Variants in GZMM observed in about 807,000 individuals in gnomAD.
GZMM encodes the protein granzyme M.
A neutral mutation model predicts 19.2 loss-of-function variants in GZMM; 23 were observed. The observed-to-expected ratio is 1.20, with a 90% CI of 0.86 to 1.69. GZMM has a LOEUF of 1.69. GZMM is among the 40% of genes most tolerant of loss of function. The probability of loss-of-function intolerance (pLI) is 0.00; values close to 1 mark genes in which losing one functional copy is unlikely to be tolerated. For missense variants in GZMM, 373 were observed against 352.2 expected, an observed-to-expected ratio of 1.06 and a Z score of -0.47; for synonymous variants, 178 against 160.2, an observed-to-expected ratio of 1.11 and a Z score of -0.84.
chr19:549,831 G>A lies in GZMM; in HGVS notation c.*40G>A. The A allele has an allele frequency of 7.9e-7, 1 of 1,272,532 alleles. No individual in the cohort carries two copies. Among genetic ancestry groups the A allele is most frequent in the Non-Finnish European group, 1.1e-6 (1 of 941,298 alleles). The allele number at this position is 1,272,532 out of a possible 1,614,324, so 78.8% of individuals were successfully genotyped here. ...GGGGACCCCCTCGCTGTCTCCACAG[G>A]ACCCTTCCCCTCCAGGGGTGCAGTG... is the stretch of plus-strand genomic sequence containing the variant. On this transcript the variant is annotated 3_prime_UTR_variant, in exon 5 of 5. Transcript: ENST00000264553.
At chr19:549,257 A>T in intron 4 of GZMM, 72 bp downstream of exon 4, 2 of 1,377,680 alleles carry the variant, frequency 1.5e-6, no homozygotes, top group Non-Finnish European at 2.0e-6. Flanking sequence ...GCCGCCGGGC[A>T]GGTTCCTGGC....
intron 1 of GZMM, among the ~76,000 whole-genome samples, chr19:545,939 G>A (rs553735800): frequency 4.6e-4 from 70 of 151,966 alleles, no homozygotes; most frequent in African/African-American, 1.1e-3. Context: ...CACCGCACCC[G>A]GCCTTAATTT....
chr19:549,079 A>G lies in GZMM; in HGVS notation c.506A>G (p.Gln169Arg), dbSNP rs1312723699. The G allele has an allele frequency of 6.3e-7, 1 of 1,589,180 alleles. No homozygotes were observed. Among genetic ancestry groups the G allele is most frequent in the East Asian group, 2.3e-5 (1 of 43,892 alleles). ...CGGGTGCTGCGGGAGCTGGACCTCC[A>G]AGTGCTGGACACCCGCATGTGTAAC... ...LSRVLRELDL[Q>R]VLDTRMCNNS... Residue 169 changes from glutamine (Q) to arginine (R), a missense_variant, in exon 4 of 5, where the codon CAA becomes CGA. Physicochemically the swap from Gln to Arg is conservative, Grantham distance 43. Coordinates refer to ENST00000264553, the MANE Select transcript of GZMM (RefSeq NM_005317.4).
At position 548,904 on chromosome 19, in the gene GZMM, C is replaced by T; in HGVS notation, c.349-18C>T. 6.5e-7 allele frequency: 1 copy of T among 1,534,394 alleles called. No individual in the cohort carries two copies. The highest frequency in any genetic ancestry group is 8.8e-7 in the Non-Finnish European group (1 of 1,137,788). On this transcript the variant is annotated intron_variant, in intron 3 of 4. Coordinates refer to ENST00000264553, the MANE Select transcript of GZMM (RefSeq NM_005317.4). ...CACCCCCTCCCCCTGCTCACCTGCC[C>T]CTTCCTGTCACTCGTAGCTGGACGG... is the stretch of plus-strand genomic sequence containing the variant.
At chr19:545,672 C>G (rs761576392) in intron 1 of GZMM, among the ~76,000 whole-genome samples, 2 of 140,660 alleles carry the variant, frequency 1.4e-5, no homozygotes, top group African/African-American at 2.7e-5. Flanking sequence ...AGATGGAGTT[C>G]TGCTATTCTT....
At chr19:546,830 T>C (rs533982807) in intron 1 of GZMM, among the ~76,000 whole-genome samples, 1 of 144,776 alleles carries the variant, frequency 6.9e-6, no homozygotes, top group Admixed American at 7.2e-5. Flanking sequence ...AGAGCGAGAC[T>C]CTGTCTCAAA....
intron 1 of GZMM, among the ~76,000 whole-genome samples, chr19:544,561 C>T (rs571745813): frequency 1.1e-4 from 16 of 152,188 alleles, no homozygotes; most frequent in Admixed American, 3.9e-4. Context: ...AGGTGGGTGG[C>T]GGCTCCCCTG....
At chr19:546,092 T>G (rs1980271872) in intron 1 of GZMM, among the ~76,000 whole-genome samples, 2 of 151,870 alleles carry the variant, frequency 1.3e-5, no homozygotes, top group Non-Finnish European at 2.9e-5. Flanking sequence ...AAGCGGGGAC[T>G]TGATTTTCAA....
chr19:544,189 T>TG (rs996810157), intron 1 of GZMM, 63 bp downstream of exon 1: 58 of 1,374,308 alleles, frequency 4.2e-5, no homozygotes, highest in Non-Finnish European at 4.9e-5. Flanking sequence ...GGTCCCTGGA[T>TG]GGGAGGGGTG....
chr19:548,039 G>A (rs1980355081), intron 2 of GZMM, among the ~76,000 whole-genome samples: 1 of 152,204 alleles, frequency 6.6e-6, no homozygotes, highest in Non-Finnish European at 1.5e-5. Flanking sequence ...TGATCCAGGT[G>A]CTCACAGGAG....
At chr19:547,488 C>T (rs764766156) in intron 2 of GZMM, 52 bp downstream of exon 2, 55 of 1,296,006 alleles carry the variant, frequency 4.2e-5, no homozygotes, top group East Asian at 3.7e-4. Flanking sequence ...CATCCGACGG[C>T]GCCCATTCTC....
chr19:546,793 G>A (rs141753657), intron 1 of GZMM, among the ~76,000 whole-genome samples: 3,399 of 151,970 alleles, frequency 0.022, 139 homozygotes, highest in African/African-American at 0.078. Context: ...AGCCGAGATC[G>A]TGCCATTGCA....
rs762014911 is a variant in GZMM, at chr19:544,084, G to C, written c.13G>C (p.Val5Leu). ...TCTCCACAGCGGCATGGAGGCCTGC[G>C]TGTCTTCACTGCTGGTGCTGGCCCT... is the stretch of plus-strand genomic sequence containing the variant. Reference protein sequence around the residue: MEACVSSLLVLALGA... With the variant: MEACLSSLLVLALGA... The change falls in exon 1 of 5, where the codon GTG becomes CTG. Residue 5 changes from valine (V) to leucine (L), a missense_variant. Val to Leu is a conservative substitution (Grantham distance 32). Transcript: ENST00000264553. The C allele has an allele frequency of 1.9e-6, 3 of 1,548,966 alleles. No individual in the cohort carries two copies. The highest frequency in any genetic ancestry group is 2.6e-6 in the Non-Finnish European group (3 of 1,147,048).
At chr19:545,938 C>T (rs534589389) in intron 1 of GZMM, among the ~76,000 whole-genome samples, 10 of 152,122 alleles carry the variant, frequency 6.6e-5, no homozygotes, top group Non-Finnish European at 1.0e-4. Context: ...CCACCGCACC[C>T]GGCCTTAATT....
intron 1 of GZMM, 79 bp downstream of exon 1, chr19:544,205 G>GGGCGCC: frequency 8.3e-7 from 1 of 1,200,800 alleles, no homozygotes; most frequent in East Asian, 2.5e-5. Context: ...GGGTGGGCGC[G>GGGCGCC]GGCGCCGACA....
rs1980405917 is a variant in GZMM at position 549,007 on chromosome 19, G to A, written c.434G>A (p.Cys145Tyr). The A allele has an allele frequency of 6.2e-7, 1 of 1,604,696 alleles. No homozygotes were observed. Among genetic ancestry groups the A allele is most frequent in the Non-Finnish European group, 8.5e-7 (1 of 1,177,100 alleles). ...KRQVVAAGTR[C>Y]SMAGWGLTHQ... The stretch of plus-strand genomic sequence containing the variant: ...CAGGTGGTGGCAGCAGGGACTCGGT[G>A]CAGCATGGCCGGCTGGGGGCTGACC... Residue 145 changes from cysteine (C) to tyrosine (Y), a missense_variant, in exon 4 of 5, where the codon TGC (cysteine) becomes TAC (tyrosine). Physicochemically the swap from Cys to Tyr is radical, Grantham distance 194. Coordinates refer to ENST00000264553, the MANE Select transcript of GZMM (RefSeq NM_005317.4).
At chr19:545,820 T>G (rs912077932) in intron 1 of GZMM, among the ~76,000 whole-genome samples, 1 of 151,808 alleles carries the variant, frequency 6.6e-6, no homozygotes, top group Non-Finnish European at 1.5e-5. Flanking sequence ...ATTTTTTGTA[T>G]TTTTAGTAGA....
chr19:544,205 G>A lies in GZMM; in HGVS notation c.55+79G>A, dbSNP rs1230425358. ...GTCCCTGGATGGGAGGGGTGGGCGC[G>A]GGCGCCGACATCCTGGGTGTAAGAG... On this transcript the variant is annotated intron_variant, in intron 1 of 4. Transcript: ENST00000264553. 26 of 1,200,794 alleles carry A rather than the reference G, an allele frequency of 2.2e-5. No individual in the cohort carries two copies. The East Asian group carries it at 2.5e-4, about 12-fold the overall frequency. The allele number at this position is 1,200,794 out of a possible 1,614,324, so 74.4% of individuals were successfully genotyped here.
chr19:545,060 C>T (rs370221129), intron 1 of GZMM, among the ~76,000 whole-genome samples: 8 of 149,008 alleles, frequency 5.4e-5, no homozygotes, highest in African/African-American at 2.0e-4. Context: ...CCCTCCTTCC[C>T]TCCTCCCTCC....
Sources: allele counts gnomAD v4.1 joint callset (sites outside exome capture counted in the v4.1 genomes callset), GRCh38; gene constraint gnomAD v4.1.1; transcripts MANE v1.5; gene names NCBI Gene and HGNC (gene_info 2026-07-23, HGNC 2026-07-21).